EML2: variants seen among roughly 807,000 people sequenced by gnomAD.
The protein encoded by EML2 is echinoderm microtubule-associated protein-like 2.
In EML2, 59 loss-of-function variants were observed where a neutral mutation model predicts 84.7. The observed-to-expected ratio is 0.70, with a 90% CI of 0.56 to 0.86. EML2 has a LOEUF of 0.86. Ranked by LOEUF, EML2 falls within the 40% of genes least tolerant of loss-of-function variation. The pLI is 0.00. For synonymous variants in EML2, 352 were observed against 348.9 expected, an observed-to-expected ratio of 1.01 and a Z score of -0.10; for missense variants, 818 against 855.6, an observed-to-expected ratio of 0.96 and a Z score of 0.55.
At chr19:45,609,983 C>T (rs897475832) in intron 18 of EML2, among the ~76,000 whole-genome samples, 195 bp from the exon 19 acceptor site, 4 of 152,100 alleles carry the variant, frequency 2.6e-5, no homozygotes, top group African/African-American at 9.7e-5. Context: ...GATCCTCCCA[C>T]CTCAGTCTCC....
intron 12 of EML2, 35 bp from the exon 13 acceptor site, chr19:45,617,732 C>A: frequency 6.3e-7 from 1 of 1,598,706 alleles, no homozygotes; most frequent in South Asian, 1.1e-5. Context: ...GGGCTCAGAG[C>A]TGGGGTCCCA....
At chr19:45,626,665 C>G in intron 8 of EML2, 40 bp downstream of exon 8, 2 of 1,583,980 alleles carry the variant, frequency 1.3e-6, no homozygotes, top group South Asian at 2.3e-5. Context: ...CTAACTACCT[C>G]TCTCAGGGCC....
rs749009549 is a variant in EML2, at chr19:45,621,463, A to T, written c.996+20T>A. On this transcript the variant is annotated intron_variant, in intron 10 of 18. Transcript: ENST00000245925. ...GGGGGGGCCTCTCTACCCCCATCTGAGCCCACTGCCCCTCCTCACCTCCAC... is the reference window on the plus strand; with the variant it reads ...GGGGGGGCCTCTCTACCCCCATCTGTGCCCACTGCCCCTCCTCACCTCCAC... 6.2e-7 allele frequency: 1 copy of T among 1,604,254 alleles called. No individual in the cohort carries two copies. The highest frequency in any genetic ancestry group is 8.5e-7 in the Non-Finnish European group (1 of 1,176,526).
chr19:45,616,540 A>G lies in EML2; in HGVS notation c.1430T>C (p.Val477Ala). ...GTACACCAAGTTGTCGTGGGAGCCC[A>G]CGGCCAGGTACGCCCCGTCTGGGGG... is the stretch of plus-strand genomic sequence containing the variant. ...SFSPDGAYLA[V>A]GSHDNLVYVY... Residue 477 changes from valine to alanine, a missense_variant, in exon 15 of 19, where the codon GTG becomes GCG. Val to Ala is a moderately conservative substitution (Grantham distance 64). Coordinates refer to ENST00000245925, the MANE Select transcript of EML2 (RefSeq NM_012155.4). The G allele has an allele frequency of 6.2e-7, 1 of 1,610,812 alleles. No individual in the cohort carries two copies. Among genetic ancestry groups the G allele is most frequent in the South Asian group, 1.1e-5 (1 of 90,948 alleles).
chr19:45,624,227 G>T (rs767550812), intron 9 of EML2, among the ~76,000 whole-genome samples: 2 of 152,156 alleles, frequency 1.3e-5, no homozygotes, highest in Non-Finnish European at 2.9e-5. Flanking sequence ...CACTAACATA[G>T]TTAGCCATTA....
Position 45,632,998 on chromosome 19 carries a change from TG to T in EML2, c.400-28del, listed in dbSNP as rs1307121934. On this transcript the variant is annotated intron_variant, in intron 5 of 18. Coordinates refer to ENST00000245925, the MANE Select transcript of EML2 (RefSeq NM_012155.4). The stretch of plus-strand genomic sequence containing the variant: ...TGCAGGGAAGAGAGGCTTGTTACCT[TG>T]GGGGTGCCAGCTGCTTGTCCCCCAC... 4 of 1,606,130 alleles carry T rather than the reference TG, an allele frequency of 2.5e-6. No individual in the cohort carries two copies. The African/African-American group carries it at 5.5e-5, about 22-fold the overall frequency.
In EML2 at chr19:45,629,952, T is replaced by C; in HGVS notation, c.605A>G (p.Lys202Arg). The change falls in exon 7 of 19, where the codon AAG (lysine) becomes AGG (arginine). Residue 202 changes from lysine to arginine, a missense_variant and splice_region_variant. By Grantham distance (26) the Lys-to-Arg change is conservative. Transcript: ENST00000245925. ...AGGGGATGAGAAAAGTCACCTCACC[T>C]TGACATCCACCACCTTGGTCTCCTT... ...WAKETKVVDV[K>R]CSNEAVLVAT... The C allele has an allele frequency of 6.2e-7, 1 of 1,612,798 alleles. No homozygotes were observed. Among genetic ancestry groups the C allele is most frequent in the Non-Finnish European group, 8.5e-7 (1 of 1,179,084 alleles).
intron 9 of EML2, among the ~76,000 whole-genome samples, chr19:45,622,192 C>T (rs983904901): frequency 6.6e-6 from 1 of 152,174 alleles, no homozygotes; most frequent in Non-Finnish European, 1.5e-5. Flanking sequence ...TTGACCCATA[C>T]ACCCACCCAT....
chr19:45,626,774 G>C lies in EML2; in HGVS notation c.672C>G (p.Cys224Trp). The C allele has an allele frequency of 6.2e-7, 1 of 1,613,788 alleles. No individual in the cohort carries two copies. Among genetic ancestry groups the C allele is most frequent in the South Asian group, 1.1e-5 (1 of 91,060 alleles). ...TCCAGAAGTAGATGTGAGATTTCCC[G>C]CAGGTGATAAGCACAGTGGGGTCCG... ...HPTDPTVLITCGKSHIYFWTL... is the reference protein window; with the variant it reads ...HPTDPTVLITWGKSHIYFWTL... Residue 224 changes from cysteine to tryptophan, a missense_variant, in exon 8 of 19, where the codon TGC becomes TGG. Coordinates refer to ENST00000245925, the MANE Select transcript of EML2 (RefSeq NM_012155.4).
chr19:45,645,372 T>G (rs1568503871), upstream of EML2: 1 of 1,522,858 alleles, frequency 6.6e-7, no homozygotes, highest in East Asian at 2.5e-5. Flanking sequence ...GCCCCCCCGG[T>G]CCCAGCCCGG....
intron 3 of EML2, among the ~76,000 whole-genome samples, chr19:45,636,568 G>A (rs925598699): frequency 6.6e-6 from 1 of 152,206 alleles, no homozygotes; most frequent in African/African-American, 2.4e-5. Flanking sequence ...CTGTTCCCAT[G>A]CTAGACTGTA....
At chr19:45,626,380 C>CT (rs35850853) in intron 8 of EML2, among the ~76,000 whole-genome samples, 2,678 of 79,444 alleles carry the variant, frequency 0.034, 298 homozygotes, top group South Asian at 0.056. Context: ...ATCCTCACAA[C>CT]TTTTTTTTTT....
intron 7 of EML2, among the ~76,000 whole-genome samples, chr19:45,628,103 G>A (rs1354739609): frequency 1.3e-5 from 2 of 150,298 alleles, no homozygotes; most frequent in Non-Finnish European, 1.5e-5. Context: ...CGGGTGTAGT[G>A]GCTCACACCT....
chr19:45,626,584 A>C, intron 8 of EML2, 121 bp downstream of exon 8: 1 of 1,139,648 alleles, frequency 8.8e-7, no homozygotes, highest in South Asian at 1.6e-5. Context: ...CCAGCAGGCA[A>C]CATCTCAGCG....
At chr19:45,615,690 G>A in intron 16 of EML2, 112 bp downstream of exon 16, 1 of 941,252 alleles carries the variant, frequency 1.1e-6, no homozygotes, top group Non-Finnish European at 1.7e-6. Context: ...ATCAGAACCA[G>A]CCTTGAATAC....
intron 6 of EML2, chr19:45,632,640 G>A: frequency 1.8e-6 from 1 of 543,102 alleles, no homozygotes; most frequent in Admixed American, 3.2e-5. Flanking sequence ...GGACCAGCTG[G>A]GCCCTAGGCA....
At chr19:45,611,900 G>C (rs1970541767) in intron 18 of EML2, among the ~76,000 whole-genome samples, 1 of 151,980 alleles carries the variant, frequency 6.6e-6, no homozygotes, top group South Asian at 2.1e-4. Context: ...TTATGACGGA[G>C]CCTTGCTGTC....
intron 12 of EML2, chr19:45,618,724 G>A (rs3786824): frequency 0.26 from 40,644 of 155,856 alleles, 6,085 homozygotes; most frequent in East Asian, 0.39. Context: ...CGAGGCGGGC[G>A]GATCACGAGG....
upstream of EML2, chr19:45,642,186 C>G (rs1289540933): frequency 1.3e-6 from 2 of 1,531,408 alleles, no homozygotes; most frequent in Admixed American, 2.0e-5. Context: ...GGGTGCCCCG[C>G]GCGCGTAGCG....
Sources: allele counts gnomAD v4.1 joint callset (sites outside exome capture counted in the v4.1 genomes callset), GRCh38; gene constraint gnomAD v4.1.1; transcripts MANE v1.5; gene names NCBI Gene and HGNC (gene_info 2026-07-23, HGNC 2026-07-21).